Variants in TTC21B observed in about 807,000 individuals in gnomAD.
TTC21B encodes tetratricopeptide repeat domain 21B.
Under a neutral mutation model 175.1 loss-of-function variants are expected in TTC21B, and 127 were observed. The observed-to-expected ratio is 0.73, with a 90% CI of 0.63 to 0.84. The LOEUF is 0.84. Among genes scored for constraint, TTC21B ranks in the 40% least tolerant of loss-of-function variants. The pLI is 0.00. For missense variants in TTC21B, 1,561 were observed against 1,558.3 expected, an observed-to-expected ratio of 1.00 and a Z score of -0.03; for synonymous variants, 524 against 524.5, an observed-to-expected ratio of 1.00 and a Z score of 0.01.
intron 5 of TTC21B, among the ~76,000 whole-genome samples, chr2:165,942,731 T>G (rs1229960251): frequency 6.6e-6 from 1 of 152,222 alleles, no homozygotes; most frequent in East Asian, 1.9e-4. Flanking sequence ...CAAATGTCAC[T>G]TTCTCCGACC....
At chr2:165,939,011 C>A (rs963082108) in intron 6 of TTC21B, among the ~76,000 whole-genome samples, 3 of 151,970 alleles carry the variant, frequency 2.0e-5, no homozygotes, top group Non-Finnish European at 2.9e-5. Flanking sequence ...AAAGAATTAT[C>A]CTATTTTTTC....
intron 1 of TTC21B, among the ~76,000 whole-genome samples, chr2:165,951,287 A>G (rs1300508517): frequency 6.6e-6 from 1 of 152,228 alleles, no homozygotes; most frequent in African/African-American, 2.4e-5. Context: ...AAAGGCAAAA[A>G]GAATCTCTGG....
chr2:165,915,481 G>T (rs1686134843), intron 14 of TTC21B, 42 bp from the exon 15 acceptor site: 3 of 1,442,930 alleles, frequency 2.1e-6, no homozygotes, highest in Non-Finnish European at 2.9e-6. Context: ...CCAAAATAGT[G>T]AACAAATAAC....
In TTC21B at chr2:165,895,642, T is replaced by C. The variant is rs145482463; in HGVS notation, c.2950+3044A>G. Among the ~76,000 whole-genome samples the C allele has an allele frequency of 6.3e-3, 961 of 152,044 alleles. 6 individuals carry two copies. The highest frequency in any genetic ancestry group is 0.019 in the South Asian group (93 of 4,810). On this transcript the variant is annotated intron_variant, in intron 22 of 28. Transcript: ENST00000243344. ...AGAGAAAACAGTGTGGAACACAAGG[T>C]AGAAATGGCAGGGAAAAAAACGATA...
chr2:165,934,604 A>C (rs200292609), intron 6 of TTC21B: 1 of 1,070 alleles, frequency 9.3e-4, no homozygotes, highest in Non-Finnish European at 0.033. Context: ...AGGCTCACTT[A>C]AAAAAAAAAA....
chr2:165,883,588 A>G (rs1257340051), intron 26 of TTC21B, among the ~76,000 whole-genome samples: 1 of 152,224 alleles, frequency 6.6e-6, no homozygotes, highest in Non-Finnish European at 1.5e-5. Context: ...TTGAAATTGC[A>G]TAAATCTTTC....
chr2:165,932,604 A>C (rs1218761524), intron 7 of TTC21B, among the ~76,000 whole-genome samples: 1 of 152,074 alleles, frequency 6.6e-6, no homozygotes, highest in Non-Finnish European at 1.5e-5. Context: ...TAAATATACT[A>C]TAAATTACAT....
chr2:165,909,997 T>A (rs1685876109), intron 18 of TTC21B, among the ~76,000 whole-genome samples: 2 of 152,206 alleles, frequency 1.3e-5, no homozygotes, highest in Admixed American at 1.3e-4. Context: ...AATATCATGA[T>A]ATACAAGTTG....
Position 165,899,775 on chromosome 2 carries a change from T to A in TTC21B, c.2863A>T (p.Thr955Ser), listed in dbSNP as rs1559046899. 1 of 1,608,876 alleles carries A rather than the reference T, an allele frequency of 6.2e-7. No individual in the cohort carries two copies. ...CTGAAGTTCCTTGGACTGACCATGG[T>A]AGCAGCTTCGTTATCCTGGTCACTC... The part of the protein sequence containing the change: ...LQSDQDNEAA[T>S]MMMADLMFRK... The change falls in exon 21 of 29, where the codon ACC becomes TCC. Residue 955 changes from threonine (T) to serine (S), a missense_variant. Transcript: ENST00000243344.
In TTC21B at chr2:165,942,512, G is replaced by A. The variant is rs370466168; in HGVS notation, c.552+707C>T. Among the ~76,000 whole-genome samples the A allele has an allele frequency of 6.6e-5, 10 of 152,246 alleles. No individual in the cohort carries two copies. The South Asian group carries it at 2.1e-3, about 32-fold the overall frequency. On this transcript the variant is annotated intron_variant, in intron 5 of 28. Transcript: ENST00000243344. The stretch of plus-strand genomic sequence containing the variant: ...GAAGGTAGAAGCCAAAGGCCTTACA[G>A]AACAGGCCAGGCCCACCACTCCTCC...
At chr2:165,947,475 C>T (rs955084100) in intron 3 of TTC21B, 1 of 151,722 alleles carries the variant, frequency 6.6e-6, no homozygotes, top group Admixed American at 6.6e-5. Flanking sequence ...CCCTTTTCTC[C>T]TCTCCCCACT....
chr2:165,941,939 T>C (rs1687383549), intron 5 of TTC21B, among the ~76,000 whole-genome samples: 1 of 152,126 alleles, frequency 6.6e-6, no homozygotes, highest in Admixed American at 6.5e-5. Flanking sequence ...TTGTATTTTC[T>C]GAAAAAAAGT....
chr2:165,928,196 T>C (rs1264610770), intron 11 of TTC21B, among the ~76,000 whole-genome samples: 3 of 152,064 alleles, frequency 2.0e-5, no homozygotes, highest in Admixed American at 6.6e-5. Context: ...CCATCTAAAA[T>C]AGGTGACAAT....
chr2:165,932,556 C>A (rs1686952468), intron 7 of TTC21B, among the ~76,000 whole-genome samples: 1 of 151,938 alleles, frequency 6.6e-6, no homozygotes, highest in Non-Finnish European at 1.5e-5. Flanking sequence ...GGGATTTTAT[C>A]CCAAGCCCAT....
intron 12 of TTC21B, among the ~76,000 whole-genome samples, chr2:165,922,729 C>CTTTGGG (rs1187435655): frequency 1.3e-5 from 2 of 152,082 alleles, no homozygotes; most frequent in African/African-American, 4.8e-5. Flanking sequence ...AATCCCACTA[C>CTTTGGG]TAGATATCTA....
chr2:165,888,151 A>G (rs1685071072), intron 25 of TTC21B, 128 bp downstream of exon 25: 3 of 733,036 alleles, frequency 4.1e-6, no homozygotes, highest in East Asian at 2.7e-5. Flanking sequence ...GCCCAACTAT[A>G]TACCTAATTT....
Position 165,899,889 on chromosome 2 carries a change from C to A in TTC21B, c.2758-9G>T. The A allele has an allele frequency of 2.0e-6, 3 of 1,528,732 alleles. No individual in the cohort carries two copies. The highest frequency in any genetic ancestry group is 2.7e-6 in the Non-Finnish European group (3 of 1,108,638). The allele number at this position is 1,528,732 out of a possible 1,614,324, so 94.7% of individuals were successfully genotyped here. ...GCCAGTTCCAACATAATCTGTAGAG[C>A]AAAGGGCTAGATTCATCAGACACTG... On this transcript the variant is annotated splice_polypyrimidine_tract_variant and intron_variant, in intron 20 of 28. Transcript: ENST00000243344.
At chr2:165,899,949 G>T in intron 20 of TTC21B, 69 bp from the exon 21 acceptor site, 1 of 780,926 alleles carries the variant, frequency 1.3e-6, no homozygotes, top group Non-Finnish European at 2.0e-6. Context: ...AAATACGTGG[G>T]TACAGATTAA....
Position 165,890,520 on chromosome 2 carries a change from A to C in TTC21B, c.3222T>G (p.Thr1074=), listed in dbSNP as rs547771085. 6.8e-5 allele frequency: 109 copies of C among 1,613,542 alleles called. No individual in the cohort carries two copies. Among genetic ancestry groups the C allele is most frequent in the Non-Finnish European group, 9.2e-5 (108 of 1,179,744 alleles). Reference sequence around the variant, plus strand: ...GGTTTTCAAATACTTCACCTCCAACAGTTTCATTATCTGGATTCAAACAGA... The same window carrying C: ...GGTTTTCAAATACTTCACCTCCAACCGTTTCATTATCTGGATTCAAACAGA... ...IEICLNPDNE[T]VGGEVFENLD... The change falls in exon 24 of 29, where the codon ACT becomes ACG. Residue 1074 remains threonine, a synonymous_variant. Transcript: ENST00000243344.
Sources: allele counts gnomAD v4.1 joint callset (sites outside exome capture counted in the v4.1 genomes callset), GRCh38; gene constraint gnomAD v4.1.1; transcripts MANE v1.5; gene names NCBI Gene and HGNC (gene_info 2026-07-23, HGNC 2026-07-21).